The following INPP5A variants were observed in gnomAD, a reference collection of about 807,000 sequenced individuals.
The protein encoded by INPP5A is 43 kDa inositol polyphosphate 5-phophatase.
A neutral mutation model predicts 65.2 loss-of-function variants in INPP5A; 14 were observed. The ratio of observed to expected loss-of-function variants is 0.21; its 90% confidence interval spans 0.14 to 0.34. The LOEUF (loss-of-function observed/expected upper bound fraction) is 0.34. Ranked by LOEUF, INPP5A falls within the 10% of genes least tolerant of loss-of-function variation. The pLI is 1.00. For synonymous variants in INPP5A, 207 were observed against 208.3 expected, an observed-to-expected ratio of 0.99 and a Z score of 0.05; for missense variants, 431 against 545.6, an observed-to-expected ratio of 0.79 and a Z score of 2.09.
chr10:132,734,657 C>T (rs1464507350), intron 9 of INPP5A, among the ~76,000 whole-genome samples: 1 of 152,220 alleles, frequency 6.6e-6, no homozygotes, highest in African/African-American at 2.4e-5. Context: ...TACCGCCTGC[C>T]CTCAAGACCA....
rs1845372295 is a variant in INPP5A, at chr10:132,697,924, G to A, written c.474+5G>A. 3 of 1,587,448 alleles carry A rather than the reference G, an allele frequency of 1.9e-6. No individual in the cohort carries two copies. The highest frequency in any genetic ancestry group is 1.1e-5 in the South Asian group (1 of 90,164). ...CCGCAGGACTACTTCCCCGAGGTACGTAGCGAGGCTTTCTCACTGACGTGT... is the reference window on the plus strand; with the variant it reads ...CCGCAGGACTACTTCCCCGAGGTACATAGCGAGGCTTTCTCACTGACGTGT... On this transcript the variant is annotated splice_donor_5th_base_variant and intron_variant, in intron 6 of 15. Transcript: ENST00000368594. This position sits in a 1 kb window ranked among gnomAD's most constrained non-coding sequence, Gnocchi z 5.6.
intron 2 of INPP5A, among the ~76,000 whole-genome samples, chr10:132,645,004 T>C (rs889622130): frequency 6.6e-6 from 1 of 152,018 alleles, no homozygotes; most frequent in South Asian, 2.1e-4. Context: ...CTGCATCCGC[T>C]CTCTGAATTC....
At chr10:132,726,732 G>A (rs1845991812) in intron 8 of INPP5A, 89 bp from the exon 9 acceptor site, 6 of 876,036 alleles carry the variant, frequency 6.8e-6, no homozygotes, top group South Asian at 1.6e-5. Flanking sequence ...GAGAGTGTGC[G>A]GATGGGGAGC....
At chr10:132,739,465 A>G (rs1846236059) in intron 9 of INPP5A, among the ~76,000 whole-genome samples, 1 of 151,918 alleles carries the variant, frequency 6.6e-6, no homozygotes, top group African/African-American at 2.4e-5. Context: ...CACCTGCTAC[A>G]CCCCCAGCCT....
chr10:132,642,300 G>A (rs555557619), intron 2 of INPP5A, among the ~76,000 whole-genome samples: 3 of 152,328 alleles, frequency 2.0e-5, no homozygotes, highest in South Asian at 2.1e-4. Flanking sequence ...AGTGTCCGGC[G>A]GGCTGGGGAC....
intron 14 of INPP5A, 63 bp from the exon 15 acceptor site, chr10:132,781,798 G>T: frequency 7.4e-7 from 1 of 1,356,842 alleles, no homozygotes. Flanking sequence ...AACGGGAGGC[G>T]GCGGCATGTG....
chr10:132,718,116 AC>A (rs1277497634), intron 8 of INPP5A, among the ~76,000 whole-genome samples: 1 of 129,826 alleles, frequency 7.7e-6, no homozygotes, highest in African/African-American at 3.0e-5. Context: ...GTTCTGTGGT[AC>A]CTGGGAGCTG....
chr10:132,709,040 C>T (rs1296583616), intron 7 of INPP5A, among the ~76,000 whole-genome samples: 2 of 151,750 alleles, frequency 1.3e-5, no homozygotes, highest in Non-Finnish European at 2.9e-5. Flanking sequence ...AACTTAGCAG[C>T]TTTAAAAACA....
In INPP5A at chr10:132,762,101, G is replaced by A. The variant is rs1189525554; in HGVS notation, c.904-3672G>A. 2.0e-5 allele frequency among the ~76,000 whole-genome samples: 3 copies of A among 152,222 alleles called. No individual in the cohort carries two copies. Among genetic ancestry groups the A allele is most frequent in the Non-Finnish European group, 4.4e-5 (3 of 68,050 alleles). On this transcript the variant is annotated intron_variant, in intron 11 of 15. Transcript: ENST00000368594. This position sits in a 1 kb window ranked among gnomAD's most constrained non-coding sequence, Gnocchi z 4.6. ...GGCCTGGGGAATGGCCCAGAATGCAGCACAGAAACGTGGCAGGATGGGACA... is the reference window on the plus strand; with the variant it reads ...GGCCTGGGGAATGGCCCAGAATGCAACACAGAAACGTGGCAGGATGGGACA...
chr10:132,715,853 G>A (rs759238495), intron 8 of INPP5A, among the ~76,000 whole-genome samples: 1 of 152,232 alleles, frequency 6.6e-6, no homozygotes, highest in Non-Finnish European at 1.5e-5. Flanking sequence ...ACCTCAGGGT[G>A]GCCGAGGTCA....
intron 2 of INPP5A, among the ~76,000 whole-genome samples, chr10:132,639,474 C>G (rs1428103217): frequency 1.3e-5 from 2 of 152,166 alleles, no homozygotes; most frequent in Non-Finnish European, 2.9e-5. Flanking sequence ...TCTATTAATA[C>G]ATCTTTGTTT....
At chr10:132,773,881 C>T (rs1230494127) in intron 12 of INPP5A, among the ~76,000 whole-genome samples, 1 of 152,240 alleles carries the variant, frequency 6.6e-6, no homozygotes, top group Non-Finnish European at 1.5e-5. Context: ...CCCCCTCAGC[C>T]TCCCAAGTAG....
At chr10:132,571,777 C>T (rs936124759) in intron 1 of INPP5A, among the ~76,000 whole-genome samples, 15 of 152,200 alleles carry the variant, frequency 9.9e-5, no homozygotes, top group African/African-American at 3.4e-4. Flanking sequence ...TGCTGTGTTG[C>T]TCCATTGCAC....
At chr10:132,750,772 G>A (rs145390472) in intron 11 of INPP5A, among the ~76,000 whole-genome samples, 59 of 152,228 alleles carry the variant, frequency 3.9e-4, no homozygotes, top group Admixed American at 7.8e-4. Flanking sequence ...CAGTTCCTAG[G>A]GCGCTCCCGA....
chr10:132,691,953 T>C (rs567534191), intron 5 of INPP5A, among the ~76,000 whole-genome samples: 2 of 151,640 alleles, frequency 1.3e-5, no homozygotes, highest in East Asian at 1.9e-4. Context: ...CGTGCGGTCC[T>C]GGCAGGCGTG....
intron 1 of INPP5A, among the ~76,000 whole-genome samples, chr10:132,594,232 T>C (rs940094708): frequency 1.3e-5 from 2 of 152,230 alleles, no homozygotes; most frequent in Non-Finnish European, 2.9e-5. Context: ...TGTGTAGTAA[T>C]GTAGCCTCTA....
At chr10:132,620,542 A>G (rs1005036918) in intron 2 of INPP5A, among the ~76,000 whole-genome samples, 2 of 152,224 alleles carry the variant, frequency 1.3e-5, no homozygotes, top group Non-Finnish European at 1.5e-5. Context: ...ATTGATCTCT[A>G]GAGCATAAAC....
chr10:132,754,151 G>A (rs1184336074), intron 11 of INPP5A, among the ~76,000 whole-genome samples: 1 of 152,176 alleles, frequency 6.6e-6, no homozygotes, highest in Admixed American at 6.5e-5. Context: ...GGACCCTCCC[G>A]CCACACAGGA....
intron 8 of INPP5A, among the ~76,000 whole-genome samples, chr10:132,714,123 A>G (rs548169363): frequency 6.6e-6 from 1 of 152,154 alleles, no homozygotes; most frequent in Non-Finnish European, 1.5e-5. Context: ...TCAGCATGGC[A>G]TGGCATTAAA....
Sources: gnomAD v4.1 joint callset for allele counts (sites outside exome capture counted in the v4.1 genomes callset) on GRCh38, gnomAD v4.1.1 for gene constraint, Gnocchi (gnomAD v3.1) non-coding constraint, MANE v1.5 for transcripts, NCBI Gene and HGNC (gene_info 2026-07-23, HGNC 2026-07-21) for gene names.